Variants in FRK observed in about 807,000 individuals in gnomAD.
FRK encodes the protein fyn related Src family tyrosine kinase.
FRK carries 51 observed loss-of-function variants against 56.4 expected under a neutral mutation model. The observed-to-expected ratio is 0.90, with a 90% CI of 0.72 to 1.14. The LOEUF is 1.14. FRK is among the 50% of genes most tolerant of loss of function. The pLI, the probability that FRK is intolerant of heterozygous loss-of-function variation, is 0.00. For missense variants in FRK, 570 were observed against 601.4 expected (o/e 0.95, Z 0.55); for synonymous variants, 245 against 217.9 (o/e 1.12, Z -1.10).
At chr6:116,064,181 ATCC>A (rs1193684721), upstream of FRK, among the ~76,000 whole-genome samples, 2 of 152,194 alleles carry the variant, frequency 1.3e-5, no homozygotes, top group African/African-American at 4.8e-5. Context: ...GCACCTCTGC[ATCC>A]TCCTCTACCT....
At chr6:116,007,575 G>C (rs1329511849) in intron 1 of FRK, among the ~76,000 whole-genome samples, 1 of 152,096 alleles carries the variant, frequency 6.6e-6, no homozygotes, top group Non-Finnish European at 1.5e-5. Context: ...CATGTATTTT[G>C]GTCCTCATTT....
chr6:115,957,067 C>A (rs1451499893), intron 4 of FRK, among the ~76,000 whole-genome samples: 2 of 152,174 alleles, frequency 1.3e-5, no homozygotes, highest in Non-Finnish European at 2.9e-5. Flanking sequence ...GACATTCTGC[C>A]ATACTTTTGT....
intron 1 of FRK, among the ~76,000 whole-genome samples, chr6:116,024,203 C>A (rs569020306): frequency 1.3e-5 from 2 of 152,080 alleles, no homozygotes; most frequent in South Asian, 4.2e-4. Context: ...ATCTGCTTTC[C>A]TGATAAGATA....
chr6:116,080,546 C>A, the FRK span, among the ~76,000 whole-genome samples: 4 of 152,178 alleles, frequency 2.6e-5, no homozygotes, highest in Non-Finnish European at 4.4e-5. Flanking sequence ...TATAACATAC[C>A]ACATTTATAT....
chr6:116,027,925 C>T (rs1213846407), intron 1 of FRK, among the ~76,000 whole-genome samples: 1 of 151,618 alleles, frequency 6.6e-6, no homozygotes, highest in Non-Finnish European at 1.5e-5. Flanking sequence ...GAGACAAAGT[C>T]AGGGTTCAGA....
the FRK span, among the ~76,000 whole-genome samples, chr6:116,072,530 AACACAC>A: frequency 3.1e-3 from 446 of 144,956 alleles, 2 homozygotes; most frequent in Middle Eastern, 0.018. Flanking sequence ...AGGTTAAATA[AACACAC>A]ACACACACAC....
At chr6:116,053,692 A>G (rs550183691) in intron 1 of FRK, among the ~76,000 whole-genome samples, 11 of 152,176 alleles carry the variant, frequency 7.2e-5, no homozygotes, top group Non-Finnish European at 1.3e-4. Flanking sequence ...TTTCACTCAC[A>G]TAAGATTTTT....
chr6:115,985,697 AG>A (rs1209851880), intron 2 of FRK, among the ~76,000 whole-genome samples: 1 of 152,072 alleles, frequency 6.6e-6, no homozygotes, highest in Non-Finnish European at 1.5e-5. Context: ...TGTTCAGGAC[AG>A]TGTCTAGCAC....
At chr6:116,014,974 A>C (rs1775597434) in intron 1 of FRK, among the ~76,000 whole-genome samples, 1 of 152,290 alleles carries the variant, frequency 6.6e-6, no homozygotes, top group East Asian at 1.9e-4. Context: ...ATTCTCAGAA[A>C]TGCCTGTGAA....
Position 116,060,250 on chromosome 6 carries a change from G to C in FRK, c.62C>G (p.Thr21Arg). ...YLEPYLPCLS[T>R]EADKSTVIEN... ...AATCACGGTTGACTTGTCTGCCTCC[G>C]TGGACAAACAGGGGAGATAGGGTTC... The change falls in exon 1 of 8, where the codon ACG (threonine) becomes AGG (arginine). Residue 21 changes from threonine to arginine, a missense_variant. By Grantham distance (71) the Thr-to-Arg change is moderately conservative. Transcript: ENST00000606080. The C allele has an allele frequency of 1.2e-6, 2 of 1,614,160 alleles. No individual in the cohort carries two copies. Among genetic ancestry groups the C allele is most frequent in the Non-Finnish European group, 8.5e-7 (1 of 1,180,030 alleles).
chr6:116,013,558 A>G (rs569967673), intron 1 of FRK, among the ~76,000 whole-genome samples: 1 of 152,302 alleles, frequency 6.6e-6, no homozygotes, highest in African/African-American at 2.4e-5. Flanking sequence ...ATTAATTTCT[A>G]TCTTTGTCAC....
chr6:115,952,428 G>A (rs1044707119), intron 5 of FRK, among the ~76,000 whole-genome samples: 3 of 152,026 alleles, frequency 2.0e-5, no homozygotes, highest in African/African-American at 4.8e-5. Flanking sequence ...AACAACAGGT[G>A]CTGGAGAGGA....
intron 1 of FRK, among the ~76,000 whole-genome samples, chr6:116,027,332 A>C (rs1473347489): frequency 6.6e-6 from 1 of 152,202 alleles, no homozygotes; most frequent in African/African-American, 2.4e-5. Context: ...ACAGAAGAAA[A>C]TACTTATAAT....
At position 115,931,290 on chromosome 6, in the gene FRK, T is replaced by A. The variant is rs2114481518; in HGVS notation, c.*11124A>T. On this transcript the variant is annotated 3_prime_UTR_variant, in exon 8 of 8. Coordinates refer to ENST00000606080, the MANE Select transcript of FRK (RefSeq NM_002031.3). ...CCAGTGTGAATAAAAATAGAATACA[T>A]AGGGCAAAATATAATTTCAAGAAAA... 6.6e-6 allele frequency: 1 copy of A among 152,298 alleles called. No homozygotes were observed. Among genetic ancestry groups the A allele is most frequent in the African/African-American group, 2.4e-5 (1 of 41,568 alleles). The allele number at this position is 152,298 out of a possible 1,614,324, so 9.4% of individuals were successfully genotyped here.
At chr6:116,080,673 A>G in the FRK span, among the ~76,000 whole-genome samples, 1 of 152,216 alleles carries the variant, frequency 6.6e-6, no homozygotes, top group Non-Finnish European at 1.5e-5. Context: ...AAAAAGAAAT[A>G]ACCCATAAGA....
intron 1 of FRK, among the ~76,000 whole-genome samples, chr6:116,044,853 A>G (rs1367426731): frequency 5.9e-5 from 9 of 152,232 alleles, no homozygotes. Flanking sequence ...TCAGCCCAAA[A>G]TTTCCTTAAG....
chr6:116,085,910 T>C, the FRK span, among the ~76,000 whole-genome samples: 1 of 152,334 alleles, frequency 6.6e-6, no homozygotes, highest in South Asian at 2.1e-4. Flanking sequence ...CAGAAGAGAA[T>C]AGTAGTAACA....
At chr6:116,068,834 TA>T in the FRK span, among the ~76,000 whole-genome samples, 7,548 of 144,360 alleles carry the variant, frequency 0.052, 232 homozygotes, top group Non-Finnish European at 0.066. Flanking sequence ...AATTCAGGTT[TA>T]AAAAAAAAAA....
rs1407465093 is a variant in FRK at position 115,942,514 on chromosome 6, T to C, written c.1418A>G (p.Glu473Gly). Residue 473 changes from glutamate to glycine, a missense_variant, in exon 8 of 8, where the codon GAG becomes GGG. Glu to Gly is a moderately conservative substitution (Grantham distance 98). Transcript: ENST00000606080. ...YNIMLECWNA[E>G]PKERPTFETL... ...CTCAAATGTAGGTCGTTCCTTAGGC[T>C]CTGCATTCCAGCACTCCAACATGAT... 1 of 1,613,694 alleles carries C rather than the reference T, an allele frequency of 6.2e-7. No homozygotes were observed. The highest frequency in any genetic ancestry group is 8.5e-7 in the Non-Finnish European group (1 of 1,179,792).
Sources: gnomAD v4.1 joint callset for allele counts (sites outside exome capture counted in the v4.1 genomes callset) on GRCh38, gnomAD v4.1.1 for gene constraint, MANE v1.5 for transcripts, NCBI Gene and HGNC (gene_info 2026-07-23, HGNC 2026-07-21) for gene names.